DTHD1: variants seen among roughly 807,000 people sequenced by gnomAD.
The protein encoded by DTHD1 is death domain containing 1.
A neutral mutation model predicts 74.8 loss-of-function variants in DTHD1; 59 were observed. The ratio of observed to expected loss-of-function variants is 0.79; its 90% CI spans 0.64 to 0.98. DTHD1 has a LOEUF of 0.98. Ranked by LOEUF, DTHD1 falls within the 50% of genes least tolerant of loss-of-function variation. The pLI is 0.00. For missense variants in DTHD1, 1,051 were observed against 1,065.4 expected (o/e 0.99, Z 0.19); for synonymous variants, 365 against 371.1 (o/e 0.98, Z 0.19).
chr4:36,334,549 AG>A (rs2109565372), intron 8 of DTHD1, among the ~76,000 whole-genome samples: 1 of 152,090 alleles, frequency 6.6e-6, no homozygotes, highest in African/African-American at 2.4e-5. Context: ...TAGTAGAGAC[AG>A]GGTTTCACCA....
chr4:36,297,440 C>A (rs1010908553), intron 5 of DTHD1, among the ~76,000 whole-genome samples: 46 of 152,006 alleles, frequency 3.0e-4, no homozygotes, highest in African/African-American at 1.1e-3. Flanking sequence ...CTTAGACATT[C>A]ATTTCCAAGT....
intron 8 of DTHD1, among the ~76,000 whole-genome samples, chr4:36,318,415 A>G (rs956689154): frequency 1.3e-5 from 2 of 152,180 alleles, no homozygotes; most frequent in African/African-American, 4.8e-5. Context: ...AGCAGCCCTC[A>G]GTACAGAGGA....
chr4:36,284,720 C>A, intron 2 of DTHD1, 129 bp downstream of exon 2: 1 of 767,184 alleles, frequency 1.3e-6, no homozygotes. Context: ...TTTTAAACAA[C>A]AGATATTTAT....
intron 8 of DTHD1, among the ~76,000 whole-genome samples, chr4:36,326,738 T>C (rs1180085979): frequency 6.6e-6 from 1 of 152,224 alleles, no homozygotes; most frequent in East Asian, 1.9e-4. Flanking sequence ...GACAGAAGCC[T>C]TACCTGTTTT....
At chr4:36,323,546 AT>A (rs1289009646) in intron 8 of DTHD1, among the ~76,000 whole-genome samples, 1 of 111,020 alleles carries the variant, frequency 9.0e-6, no homozygotes, top group Admixed American at 9.2e-5. Context: ...GGGTTGAAGG[AT>A]CAAATGGAAC....
Position 36,308,425 on chromosome 4 carries a change from C to T in DTHD1, c.2027C>T (p.Ser676Phe). The T allele has an allele frequency of 6.4e-7, 1 of 1,551,912 alleles. No individual in the cohort carries two copies. The highest frequency in any genetic ancestry group is 8.7e-7 in the Non-Finnish European group (1 of 1,147,040). ...GGGTTTGGAGGACCTCCAGAGCCATCTCGTCATTTCCAAGTTCGAGAAGGA... is the reference window on the plus strand; with the variant it reads ...GGGTTTGGAGGACCTCCAGAGCCATTTCGTCATTTCCAAGTTCGAGAAGGA... The part of the protein sequence containing the change: ...LEGFGGPPEP[S>F]RHFQVREGEQ... Residue 676 changes from serine to phenylalanine, a missense_variant, in exon 7 of 10, where the codon TCT becomes TTT. Transcript: ENST00000639862.
chr4:36,283,609 T>TA (rs966793878), intron 1 of DTHD1, among the ~76,000 whole-genome samples: 3 of 152,204 alleles, frequency 2.0e-5, no homozygotes, highest in Non-Finnish European at 4.4e-5. Flanking sequence ...CATCCAGTGG[T>TA]AAAAGAAGAG....
chr4:36,292,818 C>T (rs915467044), intron 3 of DTHD1, among the ~76,000 whole-genome samples: 1 of 152,154 alleles, frequency 6.6e-6, no homozygotes, highest in Non-Finnish European at 1.5e-5. Context: ...CTAAGTCTGC[C>T]TCCTCATTTT....
Position 36,284,398 on chromosome 4 carries a change from A to G in DTHD1, c.694A>G (p.Ile232Val), listed in dbSNP as rs1755580432. 1 of 1,537,190 alleles carries G rather than the reference A, an allele frequency of 6.5e-7. No homozygotes were observed. Among genetic ancestry groups the G allele is most frequent in the African/African-American group, 1.4e-5 (1 of 73,186 alleles). ...KQIEHMTVENINGNREETHGI... is the reference protein window; with the variant it reads ...KQIEHMTVENVNGNREETHGI... ...AATAGAACACATGACTGTTGAGAAC[A>G]TAAATGGCAACAGGGAAGAGACTCA... Residue 232 changes from isoleucine to valine, a missense_variant, in exon 2 of 10, where the codon ATA becomes GTA. Transcript: ENST00000639862.
intron 6 of DTHD1, among the ~76,000 whole-genome samples, chr4:36,306,692 G>A (rs1000026541): frequency 2.6e-5 from 4 of 152,104 alleles, no homozygotes; most frequent in Non-Finnish European, 4.4e-5. Context: ...ATAGATAAGC[G>A]GAATTTGTTA....
Position 36,293,653 on chromosome 4 carries a change from C to G in DTHD1, c.1346C>G (p.Ser449Cys), listed in dbSNP as rs542623785. Residue 449 changes from serine (S) to cysteine (C), a missense_variant, in exon 4 of 10, where the codon TCC becomes TGC. Ser to Cys is a moderately radical substitution (Grantham distance 112, BLOSUM62 -1). Coordinates refer to ENST00000639862, the MANE Select transcript of DTHD1 (RefSeq NM_001170700.3). Reference sequence around the variant, plus strand: ...AAGTCAAGCATGGATTCCCGAATATCCTTAAATTACCCTCCAGGAGTTTTT... The same window carrying G: ...AAGTCAAGCATGGATTCCCGAATATGCTTAAATTACCCTCCAGGAGTTTTT... The part of the protein sequence containing the change: ...ALKSSMDSRI[S>C]LNYPPGVFTS... 32 of 1,542,810 alleles carry G rather than the reference C, an allele frequency of 2.1e-5. 1 individual carries two copies. Among genetic ancestry groups the G allele is most frequent in the South Asian group, 1.8e-4 (15 of 83,542 alleles).
Position 36,306,174 on chromosome 4 carries a change from C to T in DTHD1, c.1644-17C>T. ...CATGTAAATTGTACCAATATCTCTT[C>T]TGTTACCATTATATAGGACAAAAAT... is the stretch of plus-strand genomic sequence containing the variant. On this transcript the variant is annotated splice_polypyrimidine_tract_variant and intron_variant, in intron 5 of 9. Coordinates refer to ENST00000639862, the MANE Select transcript of DTHD1 (RefSeq NM_001170700.3). 6.5e-7 allele frequency: 1 copy of T among 1,544,502 alleles called. No homozygotes were observed. Among genetic ancestry groups the T allele is most frequent in the East Asian group, 2.4e-5 (1 of 40,852 alleles).
intron 5 of DTHD1, among the ~76,000 whole-genome samples, chr4:36,298,307 T>C (rs761443801): frequency 6.6e-6 from 1 of 152,126 alleles, no homozygotes; most frequent in Non-Finnish European, 1.5e-5. Context: ...AATTGCAACA[T>C]AGTAAGTGCT....
At chr4:36,293,470 C>A in intron 3 of DTHD1, 56 bp from the exon 4 acceptor site, 2 of 1,353,836 alleles carry the variant, frequency 1.5e-6, no homozygotes, top group Middle Eastern at 1.9e-4. Context: ...GTCTATACAG[C>A]AAATATTTTT....
rs1417711056 is a variant in DTHD1 at position 36,293,526 on chromosome 4, G to A, written c.1219G>A (p.Gly407Arg). 3.3e-6 allele frequency: 5 copies of A among 1,534,806 alleles called. No individual in the cohort carries two copies. The highest frequency in any genetic ancestry group is 4.4e-6 in the Non-Finnish European group (5 of 1,136,444). Residue 407 changes from glycine (G) to arginine (R), a missense_variant and splice_region_variant, in exon 4 of 10, where the codon GGG becomes AGG. Transcript: ENST00000639862. The stretch of plus-strand genomic sequence containing the variant: ...TTTTAATGTTCTTTATTCTATACAG[G>A]GGACCTGTGCTTCAGTAAAAGTTTA... The part of the protein sequence containing the change: ...SLEGMKGGYK[G>R]TCASVKVYKL...
chr4:36,308,402 GTTTGGAGGA>G lies in DTHD1; in HGVS notation c.2005_2013del (p.Phe669_Gly671del). ...TGCTTAAGGACCTGCACTTGGAAGG[GTTTGGAGGA>G]CCTCCAGAGCCATCTCGTCATTTCC... is the stretch of plus-strand genomic sequence containing the variant. On this transcript the variant is annotated inframe_deletion, in exon 7 of 10. Coordinates refer to ENST00000639862, the MANE Select transcript of DTHD1 (RefSeq NM_001170700.3). 1 of 1,551,848 alleles carries G rather than the reference GTTTGGAGGA, an allele frequency of 6.4e-7. No homozygotes were observed. Among genetic ancestry groups the G allele is most frequent in the Non-Finnish European group, 8.7e-7 (1 of 1,147,006 alleles).
Position 36,290,591 on chromosome 4 carries a change from C to T in DTHD1, c.1106C>T (p.Thr369Ile). Reference sequence around the variant, plus strand: ...CCAATAGGCATTGCAATTCCATTTACTGCACGTTACAGAGGAAATTACAGA... The same window carrying T: ...CCAATAGGCATTGCAATTCCATTTATTGCACGTTACAGAGGAAATTACAGA... ...PFPIGIAIPF[T>I]ARYRGNYRDI... Residue 369 changes from threonine to isoleucine, a missense_variant, in exon 3 of 10, where the codon ACT becomes ATT. Thr to Ile is a moderately conservative substitution (Grantham distance 89). Transcript: ENST00000639862. 2.6e-6 allele frequency: 4 copies of T among 1,551,274 alleles called. No homozygotes were observed. Among genetic ancestry groups the T allele is most frequent in the Non-Finnish European group, 3.5e-6 (4 of 1,146,966 alleles).
intron 5 of DTHD1, among the ~76,000 whole-genome samples, chr4:36,304,610 C>T (rs570946228): frequency 6.6e-6 from 1 of 152,300 alleles, no homozygotes; most frequent in Admixed American, 6.5e-5. Context: ...ATTCACATAC[C>T]ATGGCTTTGT....
intron 1 of DTHD1, among the ~76,000 whole-genome samples, chr4:36,283,469 G>A (rs1165122633): frequency 6.6e-6 from 1 of 152,156 alleles, no homozygotes; most frequent in Non-Finnish European, 1.5e-5. Flanking sequence ...AGTAAACTAG[G>A]CTCCAAAACA....
Sources: gnomAD v4.1 joint callset for allele counts (sites outside exome capture counted in the v4.1 genomes callset) on GRCh38, gnomAD v4.1.1 for gene constraint, MANE v1.5 for transcripts, NCBI Gene and HGNC (gene_info 2026-07-23, HGNC 2026-07-21) for gene names.